ABL2: variants seen among roughly 807,000 people sequenced by gnomAD.
The protein encoded by ABL2 is tyrosine-protein kinase ABL2.
Under a neutral mutation model 107.7 loss-of-function variants are expected in ABL2, and 49 were observed. The ratio of observed to expected loss-of-function variants is 0.45; its 90% CI spans 0.36 to 0.58. The LOEUF (loss-of-function observed/expected upper bound fraction) is 0.58. Ranked by LOEUF, ABL2 falls within the 20% of genes least tolerant of loss-of-function variation. ABL2 has a pLI of 0.00. For synonymous variants in ABL2, 549 were observed against 548.6 expected (o/e 1.00, Z -0.01); for missense variants, 1,245 against 1,457.0 (o/e 0.85, Z 2.37).
intron 11 of ABL2, 25 bp downstream of exon 11, chr1:179,110,257 A>C: frequency 6.2e-7 from 1 of 1,613,620 alleles, no homozygotes; most frequent in Non-Finnish European, 8.5e-7. Context: ...TTCTATTTTG[A>C]TTCTACCTGC....
At chr1:179,117,914 T>A (rs1380500244) in intron 7 of ABL2, among the ~76,000 whole-genome samples, 2 of 149,416 alleles carry the variant, frequency 1.3e-5, no homozygotes, top group Non-Finnish European at 1.5e-5. Flanking sequence ...AGCTCAAGAG[T>A]TCAGGACCAG....
chr1:179,222,885 C>T (rs1180654092), intron 1 of ABL2, among the ~76,000 whole-genome samples: 2 of 151,358 alleles, frequency 1.3e-5, no homozygotes, highest in African/African-American at 2.4e-5. Flanking sequence ...CTGAGGTGGG[C>T]GGATCATTTG....
intron 1 of ABL2, among the ~76,000 whole-genome samples, chr1:179,191,618 C>A (rs1201712811): frequency 6.6e-6 from 1 of 151,858 alleles, no homozygotes; most frequent in Non-Finnish European, 1.5e-5. Flanking sequence ...GATAGGGTTT[C>A]ACCGTGTTGT....
chr1:179,118,740 A>C lies in ABL2; in HGVS notation c.1070T>G (p.Phe357Cys), dbSNP rs147552979. Reference protein sequence around the residue: ...LLGVCTLEPPFYIVTEYMPYG... With the variant: ...LLGVCTLEPPCYIVTEYMPYG... ...TGGCATGTATTCAGTCACAATGTAA[A>C]ATGGTGGCTCCAAAGTACACACACC... Residue 357 changes from phenylalanine (F) to cysteine (C), a missense_variant, in exon 7 of 12, where the codon TTT becomes TGT. Physicochemically the swap from Phe to Cys is radical, Grantham distance 205. Coordinates refer to ENST00000502732, the MANE Select transcript of ABL2 (RefSeq NM_007314.4). 101 of 1,613,902 alleles carry C rather than the reference A, an allele frequency of 6.3e-5. No individual in the cohort carries two copies. The highest frequency in any genetic ancestry group is 8.0e-5 in the Non-Finnish European group (94 of 1,179,984).
At chr1:179,223,171 T>C (rs894505677) in intron 1 of ABL2, among the ~76,000 whole-genome samples, 2 of 150,104 alleles carry the variant, frequency 1.3e-5, no homozygotes, top group African/African-American at 4.9e-5. Context: ...CCCAGCACTT[T>C]GGGAGGCCAA....
intron 2 of ABL2, among the ~76,000 whole-genome samples, 165 bp downstream of exon 2, chr1:179,133,147 A>G (rs545965855): frequency 6.6e-6 from 1 of 152,184 alleles, no homozygotes; most frequent in South Asian, 2.1e-4. Context: ...GTGAGCCACC[A>G]CACCCAGCCA....
Position 179,229,234 on chromosome 1 carries a change from CA to C in ABL2, c.157+6del. ...ACGCTCTCATGCCGGCTCCCAGACACACTCACCATGCTGGGTGAAGATATTG... is the reference window on the plus strand; with the variant it reads ...ACGCTCTCATGCCGGCTCCCAGACACCTCACCATGCTGGGTGAAGATATTG... On this transcript the variant is annotated splice_donor_region_variant and intron_variant, in intron 1 of 11. Coordinates refer to ENST00000502732, the MANE Select transcript of ABL2 (RefSeq NM_007314.4). 1 of 1,512,254 alleles carries C rather than the reference CA, an allele frequency of 6.6e-7. No individual in the cohort carries two copies. The highest frequency in any genetic ancestry group is 8.9e-7 in the Non-Finnish European group (1 of 1,129,442). The allele number at this position is 1,512,254 out of a possible 1,614,324, so 93.7% of individuals were successfully genotyped here.
At chr1:179,220,320 A>G (rs1307919193) in intron 1 of ABL2, among the ~76,000 whole-genome samples, 1 of 152,234 alleles carries the variant, frequency 6.6e-6, no homozygotes. Context: ...CACAAACATT[A>G]TCATTCCCTA....
Position 179,126,693 on chromosome 1 carries a change from G to T in ABL2, c.392-21C>A. 1 of 1,589,536 alleles carries T rather than the reference G, an allele frequency of 6.3e-7. No individual in the cohort carries two copies. The highest frequency in any genetic ancestry group is 8.6e-7 in the Non-Finnish European group (1 of 1,162,566). On this transcript the variant is annotated intron_variant, in intron 3 of 11. Coordinates refer to ENST00000502732, the MANE Select transcript of ABL2 (RefSeq NM_007314.4). The surrounding 1 kb of genome is among the most constrained non-coding windows in gnomAD (Gnocchi z 4.4). ...TTCACCTAGCCATAAGGTCATCACA[G>T]GATGAAAGAAACGATGTTAAGACTT...
chr1:179,110,867 G>A (rs551179254), intron 10 of ABL2: 32 of 1,613,720 alleles, frequency 2.0e-5, no homozygotes, highest in Admixed American at 3.3e-5. Flanking sequence ...CAGGGTATAC[G>A]TGTATTCAGG....
At chr1:179,144,323 G>A (rs1479362759) in intron 1 of ABL2, among the ~76,000 whole-genome samples, 1 of 151,996 alleles carries the variant, frequency 6.6e-6, no homozygotes, top group East Asian at 2.0e-4. Flanking sequence ...AGCCCGGCAT[G>A]GTGGCGGGCG....
At position 179,229,414 on chromosome 1, in the gene ABL2, T is replaced by C. The variant is rs761431538; in HGVS notation, c.-17A>G. 4 of 1,486,934 alleles carry C rather than the reference T, an allele frequency of 2.7e-6. No homozygotes were observed. The East Asian group carries it at 1.0e-4, about 39-fold the overall frequency. 92.1% of individuals were successfully genotyped at this position (1,486,934 alleles called of 1,614,324 possible). On this transcript the variant is annotated 5_prime_UTR_variant, in exon 1 of 12. Coordinates refer to ENST00000502732, the MANE Select transcript of ABL2 (RefSeq NM_007314.4). ...CTGCCCCATCCCTGCTCTCGCGTAC[T>C]CCCGCGCCCCCGCCGACCCCTGGTC...
intron 4 of ABL2, among the ~76,000 whole-genome samples, chr1:179,122,294 A>T (rs1462821535): frequency 8.6e-4 from 130 of 151,658 alleles, no homozygotes; most frequent in African/African-American, 2.8e-3. Context: ...AAAAAAAAAA[A>T]AAAAATATTC....
chr1:179,114,886 A>C lies in ABL2; in HGVS notation c.1553T>G (p.Met518Arg), dbSNP rs759835839. The change falls in exon 9 of 12, where the codon ATG (methionine) becomes AGG (arginine). Residue 518 changes from methionine (M) to arginine (R), a missense_variant. This residue lies in a region of ABL2 where 320 missense variants were observed against 547.0 expected (regional missense o/e 0.59). Coordinates refer to ENST00000502732, the MANE Select transcript of ABL2 (RefSeq NM_007314.4). ...CATGCAAAAATACTCACATGCTCTC[A>C]TAAGTTCATAAACCTTAGGGGGGCA... ...EGCPPKVYEL[M>R]RACWKWSPAD... 6.2e-7 allele frequency: 1 copy of C among 1,601,272 alleles called. No homozygotes were observed. Among genetic ancestry groups the C allele is most frequent in the Non-Finnish European group, 8.5e-7 (1 of 1,175,544 alleles).
chr1:179,159,197 G>A (rs1433971449), intron 1 of ABL2, among the ~76,000 whole-genome samples: 3 of 152,176 alleles, frequency 2.0e-5, no homozygotes, highest in African/African-American at 7.2e-5. Context: ...AACTTAATGT[G>A]AATAAAATAC....
At chr1:179,207,328 T>C (rs529703519) in intron 1 of ABL2, among the ~76,000 whole-genome samples, 1 of 152,256 alleles carries the variant, frequency 6.6e-6, no homozygotes, top group African/African-American at 2.4e-5. Context: ...AATGTTAGCA[T>C]TAAAACGACA....
chr1:179,167,774 G>A (rs1047614781), intron 1 of ABL2, among the ~76,000 whole-genome samples: 4 of 152,238 alleles, frequency 2.6e-5, no homozygotes, highest in Non-Finnish European at 5.9e-5. Context: ...GAGGCCAAGA[G>A]TTCAAGACCA....
At chr1:179,147,470 C>CCAT (rs576986271) in intron 1 of ABL2, among the ~76,000 whole-genome samples, 22 of 152,250 alleles carry the variant, frequency 1.4e-4, no homozygotes, top group Admixed American at 9.2e-4. Context: ...ACCTAAGTGT[C>CCAT]CATCAATGGA....
chr1:179,228,891 T>C (rs1198290509), intron 1 of ABL2, among the ~76,000 whole-genome samples: 1 of 152,148 alleles, frequency 6.6e-6, no homozygotes, highest in Non-Finnish European at 1.5e-5. Flanking sequence ...CTCCCACCTC[T>C]GGGACTGAGC....
Sources: gnomAD v4.1 joint callset for allele counts (sites outside exome capture counted in the v4.1 genomes callset) on GRCh38, gnomAD v4.1.1 for gene constraint, gnomAD v4.1.1 regional missense constraint, Gnocchi (gnomAD v3.1) non-coding constraint, MANE v1.5 for transcripts, NCBI Gene and HGNC (gene_info 2026-07-23, HGNC 2026-07-21) for gene names.